The following RFWD3 variants were observed in gnomAD, a reference collection of about 807,000 sequenced individuals.
RFWD3 encodes the protein ring finger and WD repeat domain 3, also known as E3 ubiquitin-protein ligase RFWD3.
In RFWD3, 65 loss-of-function variants were observed where a neutral mutation model predicts 87.7. The observed-to-expected ratio is 0.74, with a 90% CI of 0.61 to 0.91. RFWD3 has a LOEUF of 0.91. RFWD3 is among the 40% of genes least tolerant of loss of function. The pLI, the probability that RFWD3 is intolerant of heterozygous loss-of-function variation, is 0.00. For synonymous variants in RFWD3, 433 were observed against 352.8 expected, an observed-to-expected ratio of 1.23 and a Z score of -2.55; for missense variants, 1,078 against 938.5, an observed-to-expected ratio of 1.15 and a Z score of -1.94.
At chr16:74,662,308 A>C (rs1328253567) in intron 1 of RFWD3, among the ~76,000 whole-genome samples, 1 of 152,022 alleles carries the variant, frequency 6.6e-6, no homozygotes, top group Non-Finnish European at 1.5e-5. Flanking sequence ...CCCCTTAATT[A>C]CTTTGTGAAG....
Position 74,651,954 on chromosome 16 carries a change from G to T in RFWD3, c.687C>A (p.Asp229Glu), listed in dbSNP as rs779504338. The T allele has an allele frequency of 1.9e-6, 3 of 1,613,914 alleles. No homozygotes were observed. Among genetic ancestry groups the T allele is most frequent in the Non-Finnish European group, 2.5e-6 (3 of 1,179,900 alleles). ...DSSAEYGGVV[D>E]QAEESGAVIL... ...TGACAGCTCCAGATTCCTCTGCCTG[G>T]TCAACAACCCCTCCATACTCTGCAG... The change falls in exon 3 of 13, where the codon GAC (aspartate) becomes GAA (glutamate). Residue 229 changes from aspartate to glutamate, a missense_variant. Asp to Glu is a conservative substitution (Grantham distance 45). Transcript: ENST00000361070.
chr16:74,653,925 G>A (rs1960766393), intron 2 of RFWD3, among the ~76,000 whole-genome samples: 1 of 152,180 alleles, frequency 6.6e-6, no homozygotes, highest in Non-Finnish European at 1.5e-5. Flanking sequence ...AGAAATGTCA[G>A]TAAACCAAAA....
intron 6 of RFWD3, among the ~76,000 whole-genome samples, chr16:74,642,578 G>A (rs879560614): frequency 1.3e-5 from 2 of 152,084 alleles, no homozygotes; most frequent in Non-Finnish European, 2.9e-5. Context: ...ATAGCTCACT[G>A]CAGCCACAAC....
At chr16:74,654,212 G>T (rs909675626) in intron 2 of RFWD3, among the ~76,000 whole-genome samples, 3 of 151,754 alleles carry the variant, frequency 2.0e-5, no homozygotes, top group Non-Finnish European at 4.4e-5. Flanking sequence ...CTATTTCTTG[G>T]TTGGTCTAGC....
chr16:74,645,038 T>G (rs535386745), intron 4 of RFWD3, among the ~76,000 whole-genome samples: 21 of 152,360 alleles, frequency 1.4e-4, no homozygotes, highest in African/African-American at 5.0e-4. Context: ...TTAACTCATG[T>G]GTACCAGAGG....
intron 4 of RFWD3, among the ~76,000 whole-genome samples, chr16:74,647,390 T>C (rs980218457): frequency 2.0e-5 from 3 of 151,980 alleles, no homozygotes; most frequent in African/African-American, 7.2e-5. Context: ...CAGATTCAAG[T>C]GACTCTCCTG....
At chr16:74,657,687 T>C (rs1315190056) in intron 2 of RFWD3, among the ~76,000 whole-genome samples, 1 of 152,136 alleles carries the variant, frequency 6.6e-6, no homozygotes, top group African/African-American at 2.4e-5. Flanking sequence ...TTGGCCAGGC[T>C]GGTCTCGAAC....
intron 1 of RFWD3, among the ~76,000 whole-genome samples, chr16:74,662,590 A>G (rs1473452356): frequency 6.6e-6 from 1 of 152,214 alleles, no homozygotes; most frequent in Non-Finnish European, 1.5e-5. Context: ...AATTGGGCTG[A>G]GGCATGAAGG....
Position 74,651,942 on chromosome 16 carries a change from T to A in RFWD3, c.699A>T (p.Glu233Asp). The A allele has an allele frequency of 6.2e-7, 1 of 1,613,906 alleles. No homozygotes were observed. Among genetic ancestry groups the A allele is most frequent in the Non-Finnish European group, 8.5e-7 (1 of 1,179,854 alleles). The change falls in exon 3 of 13, where the codon GAA becomes GAT. Residue 233 changes from glutamate (E) to aspartate (D), a missense_variant. Coordinates refer to ENST00000361070, the MANE Select transcript of RFWD3 (RefSeq NM_018124.4). ...EYGGVVDQAE[E>D]SGAVILEEQL... ...GACCTTCTAAAATGACAGCTCCAGA[T>A]TCCTCTGCCTGGTCAACAACCCCTC...
rs549739064 is a variant in RFWD3, at chr16:74,631,064, C to G, written c.1578-107G>C. On this transcript the variant is annotated intron_variant, in intron 9 of 12. Coordinates refer to ENST00000361070, the MANE Select transcript of RFWD3 (RefSeq NM_018124.4). ...ATCATTAATCCTTACTGAGAACACA[C>G]TCATACTCCCAAACTATCTGGATTC... is the stretch of plus-strand genomic sequence containing the variant. 2.2e-5 allele frequency: 21 copies of G among 973,290 alleles called. No individual in the cohort carries two copies. In the African/African-American group the frequency reaches 3.2e-4, roughly 15 times the overall value. 60.3% of individuals were successfully genotyped at this position (973,290 alleles called of 1,614,324 possible).
chr16:74,626,516 T>C lies in RFWD3; in HGVS notation c.2008A>G (p.Met670Val). The C allele has an allele frequency of 1.2e-6, 2 of 1,614,138 alleles. No individual in the cohort carries two copies. Among genetic ancestry groups the C allele is most frequent in the Non-Finnish European group, 1.7e-6 (2 of 1,180,026 alleles). ...CCAGTGTCATCCAGTCGGTAGGACA[T>C]TTCCATCAGCACACTTCGTATGGTG... Reference protein sequence around the residue: ...HTTIRSVLMEMSYRLDDTGNP... With the variant: ...HTTIRSVLMEVSYRLDDTGNP... The change falls in exon 12 of 13, where the codon ATG becomes GTG. Residue 670 changes from methionine (M) to valine (V), a missense_variant. Met to Val is a conservative substitution (Grantham distance 21, BLOSUM62 1). Coordinates refer to ENST00000361070, the MANE Select transcript of RFWD3 (RefSeq NM_018124.4).
intron 11 of RFWD3, 92 bp from the exon 12 acceptor site, chr16:74,626,646 G>C (rs1958944962): frequency 1.0e-6 from 1 of 953,588 alleles, no homozygotes; most frequent in African/African-American, 1.6e-5. Context: ...AACCTAGTTG[G>C]ATGGAAAAGC....
intron 9 of RFWD3, among the ~76,000 whole-genome samples, chr16:74,631,555 T>C (rs1321312633): frequency 6.6e-6 from 1 of 152,008 alleles, no homozygotes; most frequent in Non-Finnish European, 1.5e-5. Context: ...ACAATACTTA[T>C]AAAGGCACGG....
chr16:74,643,669 G>GCTTTTTTTTTT lies in RFWD3; in HGVS notation c.1079+692_1079+693insAAAAAAAAAAG, dbSNP rs56803461. Among the ~76,000 whole-genome samples the GCTTTTTTTTTT allele has an allele frequency of 3.8e-5, 4 of 105,054 alleles. 1 individual carries two copies. Among genetic ancestry groups the GCTTTTTTTTTT allele is most frequent in the African/African-American group, 3.9e-5 (1 of 25,568 alleles). 68.9% of individuals were successfully genotyped at this position (105,054 alleles called of 152,430 possible). ...ATACTGAGTGGTGTTACTAGCAACT[G>GCTTTTTTTTTT]TTTTTTTTTTTTTTTTTTTTTTTTG... On this transcript the variant is annotated intron_variant, in intron 6 of 12. Transcript: ENST00000361070.
intron 6 of RFWD3, 35 bp downstream of exon 6, chr16:74,644,327 G>A (rs756752055): frequency 6.2e-7 from 1 of 1,602,736 alleles, no homozygotes. Context: ...GAACCAAAAG[G>A]GAACATTCCA....
At chr16:74,664,571 A>ACCCC (rs1961728650) in intron 1 of RFWD3, 2 of 152,018 alleles carry the variant, frequency 1.3e-5, no homozygotes, top group Admixed American at 1.3e-4. Context: ...ACACGGCAAA[A>ACCCC]CCCCGTCTCT....
In RFWD3 at chr16:74,634,051, A is replaced by G. The variant is rs114941330; in HGVS notation, c.1427-1378T>C. Among the ~76,000 whole-genome samples, 658 of 152,276 alleles carry G rather than the reference A, an allele frequency of 4.3e-3. 6 individuals are homozygous for G. The highest frequency in any genetic ancestry group is 0.015 in the African/African-American group (636 of 41,554). ...TTTCAGGGGTGTATTACATATGTTA[A>G]AAGTCATCAAATTGTATACTTTAAA... On this transcript the variant is annotated intron_variant, in intron 8 of 12. Coordinates refer to ENST00000361070, the MANE Select transcript of RFWD3 (RefSeq NM_018124.4).
chr16:74,638,469 A>G (rs1959339412), intron 6 of RFWD3, among the ~76,000 whole-genome samples: 1 of 152,282 alleles, frequency 6.6e-6, no homozygotes, highest in African/African-American at 2.4e-5. Context: ...ACAATGTATC[A>G]TAAAAGGACA....
chr16:74,649,134 G>A lies in RFWD3; in HGVS notation c.790C>T (p.Gln264Ter). The change falls in exon 4 of 13, where the codon CAG becomes TAG. Residue 264 changes from glutamine (Q) to a stop codon, truncating the protein, a stop_gained and splice_region_variant. Coordinates refer to ENST00000361070, the MANE Select transcript of RFWD3 (RefSeq NM_018124.4). LOFTEE classifies it high-confidence loss of function. ...TTTTAAAATGATGTTCATATTACCT[G>A]TTTGGGGAGGGTCTTGCCTCCATCG... ...CIDGGKTLPK[Q>*]PSPQKSEPLL... The A allele has an allele frequency of 6.4e-7, 1 of 1,567,578 alleles. No homozygotes were observed. Among genetic ancestry groups the A allele is most frequent in the Non-Finnish European group, 8.6e-7 (1 of 1,159,988 alleles).
Sources: gnomAD v4.1 joint callset for allele counts (sites outside exome capture counted in the v4.1 genomes callset) on GRCh38, gnomAD v4.1.1 for gene constraint, MANE v1.5 for transcripts, NCBI Gene and HGNC (gene_info 2026-07-23, HGNC 2026-07-21) for gene names.